Variants in PPM1A observed in about 807,000 individuals in gnomAD.
PPM1A encodes protein phosphatase 1A.
PPM1A carries 7 observed loss-of-function variants against 35.0 expected under a neutral mutation model. The ratio of observed to expected loss-of-function variants is 0.20; its 90% CI spans 0.11 to 0.38. The LOEUF is 0.38. PPM1A is among the 10% of genes least tolerant of loss of function. The pLI is 1.00. For missense variants in PPM1A, 239 were observed against 467.8 expected, an observed-to-expected ratio of 0.51 and a Z score of 4.51; for synonymous variants, 153 against 167.3, an observed-to-expected ratio of 0.91 and a Z score of 0.66.
chr14:60,251,060 A>G (rs945583361), intron 1 of PPM1A, among the ~76,000 whole-genome samples: 24 of 152,388 alleles, frequency 1.6e-4, no homozygotes, highest in African/African-American at 5.5e-4. Context: ...TTTGAAGCAC[A>G]AAGTAACATT....
At chr14:60,270,990 C>G (rs568872956) in intron 1 of PPM1A, among the ~76,000 whole-genome samples, 1 of 152,206 alleles carries the variant, frequency 6.6e-6, no homozygotes, top group Non-Finnish European at 1.5e-5. Flanking sequence ...CAGATTTATT[C>G]TCACAGTTCT....
chr14:60,281,058 G>T (rs1886356705), intron 1 of PPM1A, among the ~76,000 whole-genome samples: 1 of 152,154 alleles, frequency 6.6e-6, no homozygotes, highest in Non-Finnish European at 1.5e-5. Flanking sequence ...TTAGAGAGTT[G>T]TTGAAGAGAT....
In PPM1A at chr14:60,283,297, G is replaced by A; in HGVS notation, c.594G>A (p.Gly198=). ...CTCTGGCTGTATCGAGGGCCCTTGG[G>A]GATTTTGATTACAAATGTGTCCATG... ...NGSLAVSRAL[G]DFDYKCVHGK... Residue 198 remains glycine, a synonymous_variant, in exon 2 of 6, where the codon GGG becomes GGA. Coordinates refer to ENST00000395076, the MANE Select transcript of PPM1A (RefSeq NM_021003.5). This position sits in a 1 kb window ranked among gnomAD's most constrained non-coding sequence, Gnocchi z 6.3. 6.2e-7 allele frequency: 1 copy of A among 1,614,178 alleles called. No homozygotes were observed. Among genetic ancestry groups the A allele is most frequent in the Non-Finnish European group, 8.5e-7 (1 of 1,180,040 alleles).
chr14:60,250,555 G>A (rs1882266789), intron 1 of PPM1A: 1 of 453,610 alleles, frequency 2.2e-6, no homozygotes, highest in Non-Finnish European at 2.9e-6. Context: ...CCAAGCCATG[G>A]GATCTGTGTG....
chr14:60,279,438 A>C (rs372866611), intron 1 of PPM1A, among the ~76,000 whole-genome samples: 4 of 152,176 alleles, frequency 2.6e-5, no homozygotes, highest in East Asian at 1.9e-4. Flanking sequence ...TTTCAAATGC[A>C]GTTTACACAC....
intron 1 of PPM1A, among the ~76,000 whole-genome samples, chr14:60,268,081 C>T (rs182854209): frequency 6.6e-6 from 1 of 152,074 alleles, no homozygotes; most frequent in East Asian, 1.9e-4. Context: ...TCAGTTGTCC[C>T]AGTAATGTCC....
chr14:60,288,524 G>A (rs1008502529), intron 3 of PPM1A: 1 of 983,510 alleles, frequency 1.0e-6, no homozygotes, highest in African/African-American at 1.8e-5. Flanking sequence ...AGATGTTAAA[G>A]ATTACACAAT....
chr14:60,251,235 A>G (rs1882376425), intron 1 of PPM1A, among the ~76,000 whole-genome samples: 1 of 152,244 alleles, frequency 6.6e-6, no homozygotes. Flanking sequence ...AGACATTTTA[A>G]TTTGATATCA....
intron 5 of PPM1A, 38 bp downstream of exon 5, chr14:60,291,492 C>T: frequency 6.7e-7 from 1 of 1,499,966 alleles, no homozygotes. Flanking sequence ...TTCCCTTCCC[C>T]TCCACTCTAA....
At chr14:60,268,373 A>G (rs1884643683) in intron 1 of PPM1A, 1 of 973,704 alleles carries the variant, frequency 1.0e-6, no homozygotes, top group African/African-American at 1.8e-5. Flanking sequence ...CATATTTTCA[A>G]ATTTATTAAC....
chr14:60,272,513 C>T (rs1013725728), intron 1 of PPM1A, among the ~76,000 whole-genome samples: 4 of 151,822 alleles, frequency 2.6e-5, no homozygotes, highest in Non-Finnish European at 4.4e-5. Flanking sequence ...TTGAGACCAG[C>T]GTAGCCAACA....
At chr14:60,245,914 A>G (rs2139281628), upstream of PPM1A, 1 of 1,587,090 alleles carries the variant, frequency 6.3e-7, no homozygotes, top group Non-Finnish European at 8.6e-7. The surrounding 1 kb of genome is among the most constrained non-coding windows in gnomAD (Gnocchi z 4.2). Context: ...GAAAAGAGAG[A>G]AAAGAAGAAT....
At chr14:60,272,690 CAAAAAAAAAA>C (rs34892158) in intron 1 of PPM1A, among the ~76,000 whole-genome samples, 3 of 68,596 alleles carry the variant, frequency 4.4e-5, no homozygotes, top group Admixed American at 1.7e-4. Flanking sequence ...GACTCTGTCT[CAAAAAAAAAA>C]AAAAAAAAAA....
intron 1 of PPM1A, among the ~76,000 whole-genome samples, chr14:60,254,370 G>A (rs1005390048): frequency 1.3e-5 from 2 of 152,166 alleles, no homozygotes; most frequent in African/African-American, 4.8e-5. Flanking sequence ...TTAGGTGGGA[G>A]TAGATGGTTA....
chr14:60,273,107 T>TTATATA lies in PPM1A; in HGVS notation c.-20-9572_-20-9571insATATAT, dbSNP rs1885356342. On this transcript the variant is annotated intron_variant, in intron 1 of 5. Coordinates refer to ENST00000395076, the MANE Select transcript of PPM1A (RefSeq NM_021003.5). This position sits in a 1 kb window ranked among gnomAD's most constrained non-coding sequence, Gnocchi z 4.3. Reference sequence around the variant, plus strand: ...TTTCTCCTTCAGAAAGTCTTGTTTTTTATATGCATATTTACTTTTTGGGTG... The same window carrying TTATATA: ...TTTCTCCTTCAGAAAGTCTTGTTTTTTATATATATATGCATATTTACTTTTTGGGTG... 6.6e-6 allele frequency among the ~76,000 whole-genome samples: 1 copy of TTATATA among 152,202 alleles called. No individual in the cohort carries two copies. Among genetic ancestry groups the TTATATA allele is most frequent in the Non-Finnish European group, 1.5e-5 (1 of 68,030 alleles).
chr14:60,286,134 G>C, intron 3 of PPM1A: 1 of 986,204 alleles, frequency 1.0e-6, no homozygotes, highest in Non-Finnish European at 1.2e-6. Context: ...ATGAAAAGCT[G>C]TGTATATTAA....
chr14:60,291,289 ATC>A, intron 4 of PPM1A, 106 bp from the exon 5 acceptor site: 1 of 692,240 alleles, frequency 1.4e-6, no homozygotes, highest in South Asian at 2.8e-5. Flanking sequence ...CTAAAATAAT[ATC>A]TGAGTATAAG....
intron 2 of PPM1A, among the ~76,000 whole-genome samples, chr14:60,284,291 A>G (rs75605376): frequency 0.019 from 2,893 of 152,308 alleles, 51 homozygotes; most frequent in Admixed American, 0.042. Flanking sequence ...TTTGTACTCT[A>G]CATTCCTGAA....
intron 1 of PPM1A, among the ~76,000 whole-genome samples, chr14:60,271,873 T>C (rs2139451109): frequency 6.6e-6 from 1 of 152,294 alleles, no homozygotes. Context: ...ACTTTAGTCT[T>C]CTCATGTAAC....
Sources: gnomAD v4.1 joint callset for allele counts (sites outside exome capture counted in the v4.1 genomes callset) on GRCh38, gnomAD v4.1.1 for gene constraint, Gnocchi (gnomAD v3.1) non-coding constraint, MANE v1.5 for transcripts, NCBI Gene and HGNC (gene_info 2026-07-23, HGNC 2026-07-21) for gene names.